The following ZFP3 variants were observed in gnomAD, a reference collection of about 807,000 sequenced individuals.
The protein encoded by ZFP3 is ZFP3 zinc finger protein.
ZFP3 carries 18 observed loss-of-function variants against 36.7 expected under a neutral mutation model. The observed-to-expected ratio is 0.49, with a 90% CI of 0.34 to 0.73. The LOEUF (loss-of-function observed/expected upper bound fraction) is 0.73. Among genes scored for constraint, ZFP3 ranks in the 30% least tolerant of loss-of-function variants. ZFP3 has a pLI of 0.01. For synonymous variants in ZFP3, 218 were observed against 199.0 expected, an observed-to-expected ratio of 1.10 and a Z score of -0.81; for missense variants, 495 against 599.0, an observed-to-expected ratio of 0.83 and a Z score of 1.81.
chr17:5,084,253 C>T lies in ZFP3; in HGVS notation c.-9+5678C>T, dbSNP rs546200628. On this transcript the variant is annotated intron_variant, in intron 1 of 1. Transcript: ENST00000318833. ...TAGATATCTGGTTTATACATCAGTA[C>T]GTTGTGAATGAGGCTTTTTTTTTTT... Among the ~76,000 whole-genome samples, 19 of 136,262 alleles carry T rather than the reference C, an allele frequency of 1.4e-4. No homozygotes were observed. In the South Asian group the frequency reaches 2.9e-3, roughly 21 times the overall value. The allele number at this position is 136,262 out of a possible 152,430, so 89.4% of individuals were successfully genotyped here.
rs1322541488 is a variant in ZFP3 at position 5,091,913 on chromosome 17, G to A, written c.409G>A (p.Gly137Arg). The change falls in exon 2 of 2, where the codon GGA becomes AGA. Residue 137 changes from glycine (G) to arginine (R), a missense_variant. Coordinates refer to ENST00000318833, the MANE Select transcript of ZFP3 (RefSeq NM_153018.3). ...TAACAAAACACAGAGAAGTTCTGTG[G>A]GAGAAAAGCCTCATACATGTAAAGA... is the stretch of plus-strand genomic sequence containing the variant. ...ESNKTQRSSVGEKPHTCKECG... is the reference protein window; with the variant it reads ...ESNKTQRSSVREKPHTCKECG... 1 of 1,614,116 alleles carries A rather than the reference G, an allele frequency of 6.2e-7. No homozygotes were observed. Among genetic ancestry groups the A allele is most frequent in the Admixed American group, 1.7e-5 (1 of 60,018 alleles).
Position 5,082,272 on chromosome 17 carries a change from A to G in ZFP3, c.-9+3697A>G, listed in dbSNP as rs536252720. On this transcript the variant is annotated intron_variant, in intron 1 of 1. Coordinates refer to ENST00000318833, the MANE Select transcript of ZFP3 (RefSeq NM_153018.3). ...TGAGGCAGGAGAATCGCTTGAAACC[A>G]GGAGGCAGAGGTTGCAGTGAGCCAA... 2.3e-3 allele frequency among the ~76,000 whole-genome samples: 354 copies of G among 151,914 alleles called. 1 individual carries two copies. The highest frequency in any genetic ancestry group is 7.9e-3 in the African/African-American group (326 of 41,488).
rs773824175 is a variant in ZFP3, at chr17:5,091,598, G to T, written c.94G>T (p.Val32Phe). ...ATTATTAGAAAAATTTCCAAAAGTGGTTTACCAAGGTCATGAGTTTGGAGC... is the reference window on the plus strand; with the variant it reads ...ATTATTAGAAAAATTTCCAAAAGTGTTTTACCAAGGTCATGAGTTTGGAGC... ...GSLLEKFPKVVYQGHEFGAGC... is the reference protein window; with the variant it reads ...GSLLEKFPKVFYQGHEFGAGC... Residue 32 changes from valine to phenylalanine, a missense_variant, in exon 2 of 2, where the codon GTT becomes TTT. Val to Phe is a conservative substitution (Grantham distance 50, BLOSUM62 -1). This residue lies in a region of ZFP3 where 229 missense variants were observed against 233.8 expected (regional missense o/e 0.98). Coordinates refer to ENST00000318833, the MANE Select transcript of ZFP3 (RefSeq NM_153018.3). The T allele has an allele frequency of 6.2e-7, 1 of 1,614,086 alleles. No homozygotes were observed. The highest frequency in any genetic ancestry group is 8.5e-7 in the Non-Finnish European group (1 of 1,180,046).
At chr17:5,091,300 T>TG (rs1021233133) in intron 1 of ZFP3, among the ~76,000 whole-genome samples, 197 bp from the exon 2 acceptor site, 1 of 152,136 alleles carries the variant, frequency 6.6e-6, no homozygotes, top group Non-Finnish European at 1.5e-5. Flanking sequence ...CAGGCTGAAG[T>TG]GCAGTGGCGC....
Position 5,092,935 on chromosome 17 carries a change from T to C in ZFP3, c.1431T>C (p.Tyr477=). 1 of 1,614,036 alleles carries C rather than the reference T, an allele frequency of 6.2e-7. No individual in the cohort carries two copies. The highest frequency in any genetic ancestry group is 2.2e-5 in the East Asian group (1 of 44,892). ...GAATTCACACTGGAGAGAAGCCTTA[T>C]GAGTGCCAAGAATGTCAGAAGACTT... ...HQRIHTGEKP[Y]ECQECQKTFS... is the part of the protein sequence containing the mutation. Residue 477 remains tyrosine (Y), a synonymous_variant, in exon 2 of 2, where the codon TAT becomes TAC. Transcript: ENST00000318833. This position sits in a 1 kb window ranked among gnomAD's most constrained non-coding sequence, Gnocchi z 5.0.
chr17:5,088,921 C>T (rs1214280972), intron 1 of ZFP3, among the ~76,000 whole-genome samples: 1 of 152,206 alleles, frequency 6.6e-6, no homozygotes, highest in East Asian at 1.9e-4. Flanking sequence ...AATCACCTTC[C>T]ACAGTGAACA....
chr17:5,086,985 C>T (rs1041805961), intron 1 of ZFP3, among the ~76,000 whole-genome samples: 27 of 152,036 alleles, frequency 1.8e-4, no homozygotes, highest in African/African-American at 6.3e-4. Flanking sequence ...GCCTTGGCCT[C>T]CCAAAGTGCT....
At chr17:5,079,759 G>C (rs958790725) in intron 1 of ZFP3, among the ~76,000 whole-genome samples, 4 of 152,178 alleles carry the variant, frequency 2.6e-5, no homozygotes, top group African/African-American at 9.7e-5. Flanking sequence ...GAGGGGGTCA[G>C]CTGGGCGTGA....
chr17:5,091,986 G>C lies in ZFP3; in HGVS notation c.482G>C (p.Arg161Thr). 1 of 1,614,178 alleles carries C rather than the reference G, an allele frequency of 6.2e-7. No homozygotes were observed. The highest frequency in any genetic ancestry group is 8.5e-7 in the Non-Finnish European group (1 of 1,180,010). The change falls in exon 2 of 2, where the codon AGA (arginine) becomes ACA (threonine). Residue 161 changes from arginine to threonine, a missense_variant. Arg to Thr is a moderately conservative substitution (Grantham distance 71). Transcript: ENST00000318833. ...NQNSHLIQHM[R>T]VHSGEKPFEC... The stretch of plus-strand genomic sequence containing the variant: ...AACTCACATCTCATCCAGCATATGA[G>C]AGTTCATAGTGGAGAAAAACCCTTT...
chr17:5,079,321 A>G (rs142457184), intron 1 of ZFP3, among the ~76,000 whole-genome samples: 49 of 152,228 alleles, frequency 3.2e-4, no homozygotes, highest in African/African-American at 9.9e-4. Context: ...CAGGAGTTCA[A>G]GACCAGCCTG....
At position 5,096,230 on chromosome 17, in the gene ZFP3, A is replaced by C. The variant is rs2072181085; in HGVS notation, c.*3217A>C. On this transcript the variant is annotated 3_prime_UTR_variant, in exon 2 of 2. Coordinates refer to ENST00000318833, the MANE Select transcript of ZFP3 (RefSeq NM_153018.3). ...CCCATTAAAAAACCGCACAGGCCTCAATCTTAAAAGTCCTATCTAAATACC... is the reference window on the plus strand; with the variant it reads ...CCCATTAAAAAACCGCACAGGCCTCCATCTTAAAAGTCCTATCTAAATACC... 6.0e-6 allele frequency: 1 copy of C among 167,198 alleles called. No individual in the cohort carries two copies. The highest frequency in any genetic ancestry group is 3.4e-3 in the Middle Eastern group (1 of 296). The allele number at this position is 167,198 out of a possible 1,614,324, so 10.4% of individuals were successfully genotyped here.
Position 5,092,100 on chromosome 17 carries a change from G to A in ZFP3, c.596G>A (p.Cys199Tyr). Residue 199 changes from cysteine to tyrosine, a missense_variant, in exon 2 of 2, where the codon TGT becomes TAT. Coordinates refer to ENST00000318833, the MANE Select transcript of ZFP3 (RefSeq NM_153018.3). This position sits in a 1 kb window ranked among gnomAD's most constrained non-coding sequence, Gnocchi z 5.0. ...CATGCTGGAGAAAAACCCTTTGCTT[G>A]TAATGAATGTGGAAAGGCCTTCATT... ...RIHAGEKPFACNECGKAFIQS... is the reference protein window; with the variant it reads ...RIHAGEKPFAYNECGKAFIQS... 1 of 1,614,230 alleles carries A rather than the reference G, an allele frequency of 6.2e-7. No individual in the cohort carries two copies. Among genetic ancestry groups the A allele is most frequent in the Non-Finnish European group, 8.5e-7 (1 of 1,180,038 alleles).
At chr17:5,086,598 T>G (rs1337129995) in intron 1 of ZFP3, among the ~76,000 whole-genome samples, 1 of 151,950 alleles carries the variant, frequency 6.6e-6, no homozygotes, top group African/African-American at 2.4e-5. Flanking sequence ...TTTTTTTTTT[T>G]TTTTTAAAGA....
intron 1 of ZFP3, among the ~76,000 whole-genome samples, chr17:5,082,509 A>G (rs998197782): frequency 6.6e-6 from 1 of 152,112 alleles, no homozygotes; most frequent in African/African-American, 2.4e-5. Context: ...ACAAGTCCCA[A>G]TCTTTGCTCC....
rs987549737 is a variant in ZFP3, at chr17:5,093,924, C to A, written c.*911C>A. ...AGCTCTTCAGGAGCTGTCCACACTTCAGGGGTGCTCAGACTGACTGCTCCT... is the reference window on the plus strand; with the variant it reads ...AGCTCTTCAGGAGCTGTCCACACTTAAGGGGTGCTCAGACTGACTGCTCCT... On this transcript the variant is annotated 3_prime_UTR_variant, in exon 2 of 2. Transcript: ENST00000318833. The A allele has an allele frequency of 7.9e-4, 133 of 167,312 alleles. 2 individuals carry two copies. Among genetic ancestry groups the A allele is most frequent in the Non-Finnish European group, 1.5e-5 (1 of 68,146 alleles). 10.4% of individuals were successfully genotyped at this position (167,312 alleles called of 1,614,324 possible).
chr17:5,081,325 C>T (rs537177973), intron 1 of ZFP3, among the ~76,000 whole-genome samples: 2 of 152,234 alleles, frequency 1.3e-5, no homozygotes, highest in South Asian at 4.1e-4. Context: ...TCTTTTCTTA[C>T]TCCTCCTGTA....
At chr17:5,089,858 A>G (rs934012257) in intron 1 of ZFP3, among the ~76,000 whole-genome samples, 7 of 152,110 alleles carry the variant, frequency 4.6e-5, no homozygotes, top group Non-Finnish European at 5.9e-5. Flanking sequence ...AGATCTCCCT[A>G]TGTTACCTAG....
At chr17:5,085,715 A>G (rs2072117612) in intron 1 of ZFP3, among the ~76,000 whole-genome samples, 1 of 152,192 alleles carries the variant, frequency 6.6e-6, no homozygotes. Flanking sequence ...CTGGGGATAA[A>G]TACATACCTA....
rs1303384915 is a variant in ZFP3, at chr17:5,092,822, C to T, written c.1318C>T (p.Gln440Ter). 3 of 1,614,086 alleles carry T rather than the reference C, an allele frequency of 1.9e-6. No individual in the cohort carries two copies. Among genetic ancestry groups the T allele is most frequent in the Admixed American group, 3.3e-5 (2 of 60,008 alleles). The stretch of plus-strand genomic sequence containing the variant: ...GGATAATTCTGAGCTGCTTCTCCAC[C>T]AGAAAATTCATATTGGAGAGAAACC... ...FWDNSELLLH[Q>*]KIHIGEKPYE... Residue 440 changes from glutamine to a stop codon, truncating the protein, a stop_gained, in exon 2 of 2, where the codon CAG (glutamine) becomes TAG (stop). Coordinates refer to ENST00000318833, the MANE Select transcript of ZFP3 (RefSeq NM_153018.3). LOFTEE classifies it high-confidence loss of function. This position sits in a 1 kb window ranked among gnomAD's most constrained non-coding sequence, Gnocchi z 5.0.
Sources: gnomAD v4.1 joint callset for allele counts (sites outside exome capture counted in the v4.1 genomes callset) on GRCh38, gnomAD v4.1.1 for gene constraint, gnomAD v4.1.1 regional missense constraint, Gnocchi (gnomAD v3.1) non-coding constraint, MANE v1.5 for transcripts, NCBI Gene and HGNC (gene_info 2026-07-23, HGNC 2026-07-21) for gene names.